Variants in OLA1 observed in about 807,000 individuals in gnomAD.
OLA1 encodes the protein obg-like ATPase 1.
OLA1 carries 14 observed loss-of-function variants against 48.4 expected under a neutral mutation model. The observed-to-expected ratio is 0.29, with a 90% confidence interval of 0.19 to 0.45. The LOEUF (loss-of-function observed/expected upper bound fraction) is 0.45, where lower values mean the gene tolerates loss of function less well. Among genes scored for constraint, OLA1 ranks in the 20% least tolerant of loss-of-function variants. OLA1 has a pLI of 1.00. For synonymous variants in OLA1, 127 were observed against 150.4 expected (o/e 0.84, Z 1.14); for missense variants, 325 against 467.1 (o/e 0.70, Z 2.80).
At chr2:174,152,377 T>C (rs1686766519) in intron 4 of OLA1, among the ~76,000 whole-genome samples, 1 of 152,140 alleles carries the variant, frequency 6.6e-6, no homozygotes, top group Non-Finnish European at 1.5e-5. Context: ...CACTCCAGCC[T>C]GGGTGACAGA....
At chr2:174,232,494 G>C (rs147716511) in intron 2 of OLA1, among the ~76,000 whole-genome samples, 5 of 151,902 alleles carry the variant, frequency 3.3e-5, no homozygotes, top group South Asian at 4.1e-4. Context: ...TACTTCCATC[G>C]GAGAAGAAGG....
intron 7 of OLA1, among the ~76,000 whole-genome samples, chr2:174,093,968 G>A (rs1490146928): frequency 6.6e-6 from 1 of 152,206 alleles, no homozygotes; most frequent in African/African-American, 2.4e-5. Flanking sequence ...CTTAGAATGT[G>A]ATCAGAGATG....
chr2:174,193,333 A>G (rs1194692875), intron 4 of OLA1, among the ~76,000 whole-genome samples: 2 of 151,954 alleles, frequency 1.3e-5, no homozygotes, highest in African/African-American at 2.4e-5. Flanking sequence ...CAGGTGATCC[A>G]CCCACCTCGG....
intron 4 of OLA1, among the ~76,000 whole-genome samples, chr2:174,163,752 AT>A (rs1373222022): frequency 4.0e-5 from 2 of 49,792 alleles, no homozygotes; most frequent in African/African-American, 8.3e-5. Flanking sequence ...ATATATATAT[AT>A]ATATATATAT....
rs955193652 is a variant in OLA1, at chr2:174,131,741, G to A, written c.550-8066C>T. On this transcript the variant is annotated intron_variant, in intron 5 of 10. Transcript: ENST00000284719. ...TTTGTGAAGTACTTGTGAAGTCTCT[G>A]CATATTTTTCTATCAGGCTGTCTTT... Among the ~76,000 whole-genome samples, 4 of 152,038 alleles carry A rather than the reference G, an allele frequency of 2.6e-5. No individual in the cohort carries two copies. The East Asian group carries it at 7.7e-4, about 29-fold the overall frequency.
chr2:174,128,968 C>T (rs1354985565), intron 5 of OLA1, among the ~76,000 whole-genome samples: 4 of 152,056 alleles, frequency 2.6e-5, no homozygotes, highest in Non-Finnish European at 5.9e-5. Context: ...TGGCCATATT[C>T]CTCAAGATCT....
At chr2:174,216,056 G>A (rs1688354372) in intron 4 of OLA1, among the ~76,000 whole-genome samples, 2 of 152,126 alleles carry the variant, frequency 1.3e-5, no homozygotes, top group African/African-American at 4.8e-5. Context: ...AGCACTTTGG[G>A]AGGCCAAGGC....
intron 5 of OLA1, among the ~76,000 whole-genome samples, chr2:174,126,104 CTCTTTT>C: frequency 6.6e-6 from 1 of 151,980 alleles, no homozygotes. Context: ...TTTCAATGTG[CTCTTTT>C]TCTTACATAA....
chr2:174,176,650 T>A (rs1386512094), intron 4 of OLA1, among the ~76,000 whole-genome samples: 1 of 152,110 alleles, frequency 6.6e-6, no homozygotes, highest in African/African-American at 2.4e-5. Context: ...GCTCTTGAAA[T>A]AGTACTCTAG....
chr2:174,143,374 G>A (rs1686506024), intron 4 of OLA1, among the ~76,000 whole-genome samples: 1 of 152,078 alleles, frequency 6.6e-6, no homozygotes, highest in East Asian at 1.9e-4. Context: ...CTCCCTAAAA[G>A]CACAATATTA....
chr2:174,182,692 G>A (rs1307525640), intron 4 of OLA1, among the ~76,000 whole-genome samples: 2 of 151,990 alleles, frequency 1.3e-5, no homozygotes. Flanking sequence ...AATAATTTTT[G>A]TTTCTCCCAA....
chr2:174,149,291 C>T (rs1480538022), intron 4 of OLA1, among the ~76,000 whole-genome samples: 2 of 152,170 alleles, frequency 1.3e-5, no homozygotes, highest in African/African-American at 4.8e-5. Flanking sequence ...TTCATTGCTT[C>T]TTTCTAACTG....
At chr2:174,179,294 C>T (rs1687481500) in intron 4 of OLA1, among the ~76,000 whole-genome samples, 1 of 151,560 alleles carries the variant, frequency 6.6e-6, no homozygotes. Context: ...TAGTACAACA[C>T]ATCAAAGTTT....
At chr2:174,236,226 T>C (rs1688845263) in intron 2 of OLA1, among the ~76,000 whole-genome samples, 1 of 151,868 alleles carries the variant, frequency 6.6e-6, no homozygotes, top group African/African-American at 2.4e-5. Flanking sequence ...AATATAGTAA[T>C]GAGAGATGAA....
intron 7 of OLA1, among the ~76,000 whole-genome samples, chr2:174,092,210 T>C (rs1018799957): frequency 6.6e-6 from 1 of 151,886 alleles, no homozygotes; most frequent in Non-Finnish European, 1.5e-5. Flanking sequence ...ATTGACCAGT[T>C]ATTGAGCCAA....
At chr2:174,163,710 A>C in intron 4 of OLA1, among the ~76,000 whole-genome samples, 1 of 34,150 alleles carries the variant, frequency 2.9e-5, no homozygotes, top group Non-Finnish European at 5.1e-5. Flanking sequence ...ATAAATAAAT[A>C]AATATATATA....
chr2:174,205,270 A>G (rs940499913), intron 4 of OLA1, among the ~76,000 whole-genome samples: 3 of 152,224 alleles, frequency 2.0e-5, no homozygotes, highest in Non-Finnish European at 4.4e-5. Context: ...ATCAGAATTC[A>G]GCCTATATAT....
chr2:174,213,233 G>A (rs10180256), intron 4 of OLA1, among the ~76,000 whole-genome samples: 78,290 of 151,214 alleles, frequency 0.52, 20,738 homozygotes, highest in East Asian at 0.94. Flanking sequence ...TTTCTAAACC[G>A]GGAAGAAAAC....
chr2:174,101,792 A>T (rs1685403018), intron 7 of OLA1, among the ~76,000 whole-genome samples: 1 of 152,230 alleles, frequency 6.6e-6, no homozygotes. Flanking sequence ...AGAGGAAGAG[A>T]TGAATAAAGG....
Sources: allele counts gnomAD v4.1 joint callset (sites outside exome capture counted in the v4.1 genomes callset), GRCh38; gene constraint gnomAD v4.1.1; transcripts MANE v1.5; gene names NCBI Gene and HGNC (gene_info 2026-07-23, HGNC 2026-07-21).